The following KANSL1L variants were observed in gnomAD, a reference collection of about 807,000 sequenced individuals.
KANSL1L encodes KAT8 regulatory NSL complex subunit 1 like, also known as KAT8 regulatory NSL complex subunit 1-like protein.
Under a neutral mutation model 108.6 loss-of-function variants are expected in KANSL1L, and 25 were observed. The observed-to-expected ratio is 0.23, with a 90% CI of 0.17 to 0.32. KANSL1L has a LOEUF of 0.32. Ranked by LOEUF, KANSL1L falls within the 10% of genes least tolerant of loss-of-function variation. The probability of loss-of-function intolerance (pLI) is 1.00; values close to 1 mark genes in which losing one functional copy is unlikely to be tolerated. For synonymous variants in KANSL1L, 405 were observed against 395.1 expected (o/e 1.03, Z -0.30); for missense variants, 1,137 against 1,125.7 (o/e 1.01, Z -0.14).
intron 3 of KANSL1L, among the ~76,000 whole-genome samples, chr2:210,106,310 T>A (rs145267428): frequency 1.2e-3 from 184 of 152,264 alleles, no homozygotes; most frequent in African/African-American, 4.0e-3. Flanking sequence ...CTGATATCAG[T>A]CTGTATAGAT....
chr2:210,096,688 G>A (rs1237648486), intron 5 of KANSL1L: 158 of 972,226 alleles, frequency 1.6e-4, no homozygotes, highest in Non-Finnish European at 1.9e-4. Context: ...ATTAGGATAC[G>A]TTCTCATAAA....
In KANSL1L at chr2:210,028,869, T is replaced by C; in HGVS notation, c.2372A>G (p.Gln791Arg). The change falls in exon 11 of 15, where the codon CAA becomes CGA. Residue 791 changes from glutamine (Q) to arginine (R), a missense_variant. Physicochemically the swap from Gln to Arg is conservative, Grantham distance 43. This residue lies in a region of KANSL1L where 575 missense variants were observed against 567.1 expected (regional missense o/e 1.01). Coordinates refer to ENST00000281772, the MANE Select transcript of KANSL1L (RefSeq NM_152519.4). Reference sequence around the variant, plus strand: ...CCTTGGAGTAAGTATTTCCTTATATTGGAGTTTCTCTAATTTAGCTGGGGC... The same window carrying C: ...CCTTGGAGTAAGTATTTCCTTATATCGGAGTTTCTCTAATTTAGCTGGGGC... ...LVAPAKLEKL[Q>R]YKEILTPSWR... 1 of 1,596,328 alleles carries C rather than the reference T, an allele frequency of 6.3e-7. No homozygotes were observed. The highest frequency in any genetic ancestry group is 8.6e-7 in the Non-Finnish European group (1 of 1,165,032).
intron 3 of KANSL1L, among the ~76,000 whole-genome samples, chr2:210,108,847 T>A (rs1446855328): frequency 6.6e-6 from 1 of 152,212 alleles, no homozygotes; most frequent in Non-Finnish European, 1.5e-5. Flanking sequence ...TCCTTCTTCC[T>A]ACCTTCCTAT....
Position 210,153,921 on chromosome 2 carries a change from T to C in KANSL1L, c.662A>G (p.His221Arg). 5 of 1,613,572 alleles carry C rather than the reference T, an allele frequency of 3.1e-6. No individual in the cohort carries two copies. Among genetic ancestry groups the C allele is most frequent in the Non-Finnish European group, 4.2e-6 (5 of 1,179,976 alleles). Residue 221 changes from histidine to arginine, a missense_variant, in exon 2 of 15, where the codon CAT (histidine) becomes CGT (arginine). His to Arg is a conservative substitution (Grantham distance 29). Around this residue, in one of 3 missense-constraint regions of KANSL1L, gnomAD observed 556 missense variants for 537.7 expected, o/e 1.03. Coordinates refer to ENST00000281772, the MANE Select transcript of KANSL1L (RefSeq NM_152519.4). ...SSAAEKEEEV[H>R]ARLLHCVSKQ... is the part of the protein sequence containing the mutation. ...GCTTACACAATGAAGTAAACGAGCA[T>C]GTACTTCCTCCTCTTTTTCAGCAGC...
At chr2:210,132,409 A>G (rs539715422) in intron 2 of KANSL1L, among the ~76,000 whole-genome samples, 1 of 152,288 alleles carries the variant, frequency 6.6e-6, no homozygotes, top group South Asian at 2.1e-4. Context: ...CATGCTGACC[A>G]TAATGTGGGT....
chr2:210,147,849 C>T lies in KANSL1L; in HGVS notation c.1088+5646G>A, dbSNP rs114593302. Reference sequence around the variant, plus strand: ...TTATCCAGTTCCTCAAAGGGAAATACTGGATCACCTTGCTTTTCAGTTCTT... The same window carrying T: ...TTATCCAGTTCCTCAAAGGGAAATATTGGATCACCTTGCTTTTCAGTTCTT... On this transcript the variant is annotated intron_variant, in intron 2 of 14. Coordinates refer to ENST00000281772, the MANE Select transcript of KANSL1L (RefSeq NM_152519.4). Among the ~76,000 whole-genome samples the T allele has an allele frequency of 2.5e-3, 374 of 152,340 alleles. 2 individuals are homozygous for T. Among genetic ancestry groups the T allele is most frequent in the African/African-American group, 8.6e-3 (356 of 41,572 alleles).
intron 3 of KANSL1L, among the ~76,000 whole-genome samples, chr2:210,123,198 A>G (rs1050563641): frequency 6.6e-6 from 1 of 152,184 alleles, no homozygotes; most frequent in African/African-American, 2.4e-5. Context: ...ACCCAAAGAA[A>G]GGATATCAGT....
upstream of KANSL1L, among the ~76,000 whole-genome samples, chr2:210,172,655 G>C (rs748044712): frequency 5.9e-5 from 9 of 152,188 alleles, no homozygotes; most frequent in Non-Finnish European, 1.3e-4. Flanking sequence ...GTAAGCTAAT[G>C]ATGTGTTGTG....
chr2:210,068,574 T>C (rs1167365097), intron 6 of KANSL1L, among the ~76,000 whole-genome samples: 5 of 152,214 alleles, frequency 3.3e-5, no homozygotes, highest in African/African-American at 4.8e-5. Context: ...TTTATTGTTT[T>C]CCTGTCACAT....
At chr2:210,106,228 C>CT (rs1291444323) in intron 3 of KANSL1L, among the ~76,000 whole-genome samples, 1 of 152,066 alleles carries the variant, frequency 6.6e-6, no homozygotes, top group African/African-American at 2.4e-5. Context: ...CAAGTTCCAC[C>CT]TTATCAATTT....
intron 2 of KANSL1L, among the ~76,000 whole-genome samples, chr2:210,143,465 A>T (rs1168179827): frequency 1.3e-5 from 2 of 152,136 alleles, no homozygotes. Flanking sequence ...GTTGATAGGT[A>T]AAGGTTTATT....
At chr2:210,159,851 A>T (rs7571799) in intron 1 of KANSL1L, among the ~76,000 whole-genome samples, 149,598 of 152,246 alleles carry the variant, frequency 0.98, 73,556 homozygotes, top group Middle Eastern at 1. Flanking sequence ...CTGACTAAAA[A>T]GGTGAAACCC....
At chr2:210,170,944 T>C (rs1559624690) in intron 1 of KANSL1L, among the ~76,000 whole-genome samples, 1 of 144,188 alleles carries the variant, frequency 6.9e-6, no homozygotes. Context: ...TAAATTTGGC[T>C]GCGGTCAGAC....
chr2:210,033,441 C>T (rs911667139), intron 8 of KANSL1L, among the ~76,000 whole-genome samples: 1 of 152,218 alleles, frequency 6.6e-6, no homozygotes, highest in African/African-American at 2.4e-5. Context: ...TTAAGCAAAT[C>T]ATAGACAATT....
In KANSL1L at chr2:210,171,213, G is replaced by C. The variant is rs1238897277; in HGVS notation, c.-94C>G. The C allele has an allele frequency of 6.4e-6, 1 of 157,390 alleles. No homozygotes were observed. The highest frequency in any genetic ancestry group is 1.4e-5 in the Non-Finnish European group (1 of 71,626). The allele number at this position is 157,390 out of a possible 1,614,324, so 9.7% of individuals were successfully genotyped here. A position where few individuals can be genotyped will look rare whatever the true frequency, so the allele number is the denominator to read the frequency against. ...CGGTCCGGCCGTGGTGGGGGCTGCT[G>C]AGGTGATCTCTAGCTGCCCGCCCGC... On this transcript the variant is annotated 5_prime_UTR_variant, in exon 1 of 15. Coordinates refer to ENST00000281772, the MANE Select transcript of KANSL1L (RefSeq NM_152519.4).
intron 3 of KANSL1L, among the ~76,000 whole-genome samples, chr2:210,109,903 T>C (rs895718176): frequency 2.0e-5 from 3 of 152,310 alleles, no homozygotes; most frequent in African/African-American, 7.2e-5. Flanking sequence ...CTTTAGGAAC[T>C]GCAAAGCTCT....
intron 2 of KANSL1L, among the ~76,000 whole-genome samples, chr2:210,134,437 ATG>A (rs2095155847): frequency 1.4e-5 from 2 of 148,122 alleles, no homozygotes; most frequent in South Asian, 4.1e-4. Flanking sequence ...ACATACACAC[ATG>A]TCTAGTAGGT....
At position 210,031,559 on chromosome 2, in the gene KANSL1L, A is replaced by G; in HGVS notation, c.2030-13T>C. ...AGAGTACTATGTACTAAAACAAATG[A>G]AAAGGAAATATTAAGTTTTAGTTCC... is the stretch of plus-strand genomic sequence containing the variant. On this transcript the variant is annotated splice_polypyrimidine_tract_variant and intron_variant, in intron 8 of 14. Transcript: ENST00000281772. 1 of 1,472,438 alleles carries G rather than the reference A, an allele frequency of 6.8e-7. No individual in the cohort carries two copies. The highest frequency in any genetic ancestry group is 9.2e-7 in the Non-Finnish European group (1 of 1,086,596). The allele number at this position is 1,472,438 out of a possible 1,614,324, so 91.2% of individuals were successfully genotyped here.
At chr2:210,142,988 T>C (rs2095240976) in intron 2 of KANSL1L, among the ~76,000 whole-genome samples, 1 of 151,942 alleles carries the variant, frequency 6.6e-6, no homozygotes, top group South Asian at 2.1e-4. Context: ...TCCAGCCCAA[T>C]GCTTCCTTTT....
Sources: gnomAD v4.1 joint callset for allele counts (sites outside exome capture counted in the v4.1 genomes callset) on GRCh38, gnomAD v4.1.1 for gene constraint, gnomAD v4.1.1 regional missense constraint, MANE v1.5 for transcripts, NCBI Gene and HGNC (gene_info 2026-07-23, HGNC 2026-07-21) for gene names.